The following PTTG1IP2 variants were observed in gnomAD, a reference collection of about 807,000 sequenced individuals.
PTTG1IP2 encodes the protein PTTG1IP family member 2.
intron 2 of PTTG1IP2, among the ~76,000 whole-genome samples, chr7:90,480,699 T>C (rs1650857494): frequency 6.6e-6 from 1 of 152,196 alleles, no homozygotes; most frequent in Non-Finnish European, 1.5e-5. Flanking sequence ...AAATTTGTCT[T>C]GTTGAGTCAT....
intron 5 of PTTG1IP2, among the ~76,000 whole-genome samples, chr7:90,492,638 A>G (rs1797951537): frequency 6.6e-6 from 1 of 152,188 alleles, no homozygotes. Context: ...TTTCCATGAT[A>G]CATTTTGGTA....
intron 6 of PTTG1IP2, among the ~76,000 whole-genome samples, chr7:90,498,019 G>C (rs529672463): frequency 6.6e-6 from 1 of 150,938 alleles, no homozygotes; most frequent in African/African-American, 2.4e-5. Flanking sequence ...TCCTCTTGAT[G>C]AATGAACCCC....
chr7:90,488,115 T>C (rs1353477414), intron 3 of PTTG1IP2, among the ~76,000 whole-genome samples: 1 of 152,100 alleles, frequency 6.6e-6, no homozygotes, highest in Non-Finnish European at 1.5e-5. Flanking sequence ...CCTTAAAGAA[T>C]TGAAACAAAA....
At chr7:90,496,025 A>G (rs1797986956) in intron 6 of PTTG1IP2, among the ~76,000 whole-genome samples, 1 of 152,192 alleles carries the variant, frequency 6.6e-6, no homozygotes, top group Admixed American at 6.5e-5. Flanking sequence ...GACATAAATG[A>G]TCCTCTTAAT....
intron 1 of PTTG1IP2, among the ~76,000 whole-genome samples, chr7:90,471,569 T>A (rs1396814352): frequency 1.3e-5 from 2 of 152,130 alleles, no homozygotes; most frequent in Non-Finnish European, 2.9e-5. Flanking sequence ...AGGGGCATAG[T>A]GCAAAAAATA....
chr7:90,482,919 T>C (rs1797830230), intron 2 of PTTG1IP2, among the ~76,000 whole-genome samples: 1 of 152,174 alleles, frequency 6.6e-6, no homozygotes, highest in Non-Finnish European at 1.5e-5. Context: ...TGCAGCCTAC[T>C]TTATCTATTG....
At position 90,478,652 on chromosome 7, in the gene PTTG1IP2, G is replaced by C. The variant is rs2116054483; in HGVS notation, c.146-576G>C. 1.3e-5 allele frequency among the ~76,000 whole-genome samples: 2 copies of C among 152,218 alleles called. 1 individual carries two copies. Among genetic ancestry groups the C allele is most frequent in the Middle Eastern group, 6.8e-3 (2 of 294 alleles). The stretch of plus-strand genomic sequence containing the variant: ...ATTAATTCCAGACCCTTTCTTTAAG[G>C]AGATGTTGCAGTAATAAAATGAGGC... On this transcript the variant is annotated intron_variant, in intron 1 of 6. Transcript: ENST00000509356.
Position 90,475,104 on chromosome 7 carries a change from A to G in PTTG1IP2, c.146-4124A>G, listed in dbSNP as rs112196145. ...CCCCCAAGTCCCATGGAGCAATGCA[A>G]TGTATCCAGATTGTGCTTATGAATG... On this transcript the variant is annotated intron_variant, in intron 1 of 6. Transcript: ENST00000509356. 1.5e-3 allele frequency among the ~76,000 whole-genome samples: 235 copies of G among 152,324 alleles called. 2 individuals are homozygous for G. The highest frequency in any genetic ancestry group is 4.9e-3 in the African/African-American group (203 of 41,588).
rs1406486244 is a variant in PTTG1IP2 at position 90,469,769 on chromosome 7, C to T, written c.-18C>T. ...CTGCCAGGTTCCCAGTGGCTGGGGT[C>T]ACCAGGTCTGAAGAGAGATGTGCTG... On this transcript the variant is annotated 5_prime_UTR_variant, in exon 1 of 7. Transcript: ENST00000509356. The T allele has an allele frequency of 6.5e-6, 1 of 152,776 alleles. No homozygotes were observed. Among genetic ancestry groups the T allele is most frequent in the Non-Finnish European group, 1.5e-5 (1 of 68,174 alleles). 9.5% of individuals were successfully genotyped at this position (152,776 alleles called of 1,614,324 possible). A position where few individuals can be genotyped will look rare whatever the true frequency, so the allele number is the denominator to read the frequency against.
intron 2 of PTTG1IP2, among the ~76,000 whole-genome samples, chr7:90,482,538 A>G (rs1797825157): frequency 6.7e-6 from 1 of 149,804 alleles, no homozygotes; most frequent in Admixed American, 6.7e-5. Flanking sequence ...AACATAGCGT[A>G]TGAAAAACAT....
At chr7:90,478,689 T>C (rs1367952038) in intron 1 of PTTG1IP2, among the ~76,000 whole-genome samples, 3 of 152,204 alleles carry the variant, frequency 2.0e-5, no homozygotes, top group African/African-American at 7.2e-5. Context: ...TTGAAATGCT[T>C]TTTTCCAAAT....
intron 6 of PTTG1IP2, among the ~76,000 whole-genome samples, chr7:90,509,051 A>G (rs535556971): frequency 1.3e-5 from 2 of 151,664 alleles, no homozygotes; most frequent in African/African-American, 4.8e-5. Context: ...CCACATAGGG[A>G]TATGAACTTT....
chr7:90,485,204 G>T (rs1440027187), intron 2 of PTTG1IP2, among the ~76,000 whole-genome samples: 1 of 152,098 alleles, frequency 6.6e-6, no homozygotes, highest in Non-Finnish European at 1.5e-5. Flanking sequence ...AAAAATAAAC[G>T]ACCTCAGTCT....
chr7:90,488,930 T>C lies in PTTG1IP2; in HGVS notation c.346T>C (p.Trp116Arg), dbSNP rs1282147191. 3 of 151,996 alleles carry C rather than the reference T, an allele frequency of 2.0e-5. No homozygotes were observed. Among genetic ancestry groups the C allele is most frequent in the African/African-American group, 7.2e-5 (3 of 41,450 alleles). The allele number at this position is 151,996 out of a possible 1,614,324, so 9.4% of individuals were successfully genotyped here. A position where few individuals can be genotyped will look rare whatever the true frequency, so the allele number is the denominator to read the frequency against. Residue 116 changes from tryptophan (W) to arginine (R), a missense_variant, in exon 4 of 7, where the codon TGG becomes CGG. By Grantham distance (101) the Trp-to-Arg change is moderately radical (BLOSUM62 -3). Coordinates refer to ENST00000509356, the MANE Select transcript of PTTG1IP2 (RefSeq NM_001365443.2). ...LIAVLITGFV[W>R]YCCAYHFYLQ... ...TGCAGTATTAATTACAGGATTCGTT[T>C]GGTACTGCTGCGCCTATCACTTTTA...
In PTTG1IP2 at chr7:90,505,841, G is replaced by A. The variant is rs902931232; in HGVS notation, c.*51-7437G>A. 4.0e-5 allele frequency among the ~76,000 whole-genome samples: 6 copies of A among 151,658 alleles called. No homozygotes were observed. The East Asian group carries it at 5.8e-4, about 15-fold the overall frequency. On this transcript the variant is annotated intron_variant, in intron 6 of 6. Coordinates refer to ENST00000509356, the MANE Select transcript of PTTG1IP2 (RefSeq NM_001365443.2). The stretch of plus-strand genomic sequence containing the variant: ...CTACTAAAAATACAAAAAATTAGCC[G>A]GGCGCGGTGGCGGGCGCCTGTAGTC...
At chr7:90,512,380 G>C (rs947680010) in intron 6 of PTTG1IP2, among the ~76,000 whole-genome samples, 1 of 152,136 alleles carries the variant, frequency 6.6e-6, no homozygotes, top group Non-Finnish European at 1.5e-5. Flanking sequence ...ACTAGGAAAG[G>C]CCTATTTATT....
At chr7:90,491,737 T>A (rs1165640019) in intron 4 of PTTG1IP2, among the ~76,000 whole-genome samples, 5 of 152,344 alleles carry the variant, frequency 3.3e-5, no homozygotes, top group African/African-American at 1.2e-4. Context: ...CTTATTGATA[T>A]TTTAAATTAT....
At chr7:90,484,546 A>C (rs1029317763) in intron 2 of PTTG1IP2, among the ~76,000 whole-genome samples, 193 of 152,160 alleles carry the variant, frequency 1.3e-3, no homozygotes, top group Non-Finnish European at 5.9e-5. Flanking sequence ...CCTTAGTTAC[A>C]AGAAAAAAAT....
chr7:90,512,467 G>A (rs367963372), intron 6 of PTTG1IP2, among the ~76,000 whole-genome samples: 40 of 152,172 alleles, frequency 2.6e-4, no homozygotes, highest in Non-Finnish European at 5.0e-4. Context: ...GGGACGAACC[G>A]GGTGGAGGCT....
Sources: allele counts gnomAD v4.1 joint callset (sites outside exome capture counted in the v4.1 genomes callset), GRCh38; gene constraint gnomAD v4.1.1; transcripts MANE v1.5; gene names NCBI Gene and HGNC (gene_info 2026-07-23, HGNC 2026-07-21).